Variants in SORCS2 observed in about 807,000 individuals in gnomAD.
SORCS2 encodes sortilin related VPS10 domain containing receptor 2.
A neutral mutation model predicts 141.6 loss-of-function variants in SORCS2; 100 were observed. The observed-to-expected ratio is 0.71, with a 90% CI of 0.60 to 0.83. SORCS2 has a LOEUF of 0.83. Ranked by LOEUF, SORCS2 falls within the 40% of genes least tolerant of loss-of-function variation. The pLI, the probability that SORCS2 is intolerant of heterozygous loss-of-function variation, is 0.00. For synonymous variants in SORCS2, 789 were observed against 676.9 expected (o/e 1.17, Z -2.57); for missense variants, 1,646 against 1,560.2 (o/e 1.05, Z -0.93).
chr4:7,460,741 C>T (rs570892926), intron 2 of SORCS2, among the ~76,000 whole-genome samples: 9 of 152,066 alleles, frequency 5.9e-5, no homozygotes, highest in South Asian at 2.1e-4. Context: ...TAACTCAACA[C>T]GCTCCCTAAT....
chr4:7,667,220 T>A lies in SORCS2; in HGVS notation c.1161+7T>A, dbSNP rs778017395. On this transcript the variant is annotated splice_region_variant and intron_variant, in intron 8 of 26. Coordinates refer to ENST00000507866, the MANE Select transcript of SORCS2 (RefSeq NM_020777.3). Reference sequence around the variant, plus strand: ...GAAGTATGCATTGCCAAAGGTAAGGTGCTCCCCATTCCGCCTGGTCCTGTG... The same window carrying A: ...GAAGTATGCATTGCCAAAGGTAAGGAGCTCCCCATTCCGCCTGGTCCTGTG... 1.2e-6 allele frequency: 2 copies of A among 1,613,198 alleles called. No individual in the cohort carries two copies. The highest frequency in any genetic ancestry group is 1.7e-6 in the Non-Finnish European group (2 of 1,179,208).
intron 18 of SORCS2, among the ~76,000 whole-genome samples, chr4:7,719,292 C>A (rs368262801): frequency 6.6e-6 from 1 of 152,244 alleles, no homozygotes; most frequent in African/African-American, 2.4e-5. Flanking sequence ...CCCAAGACGA[C>A]GCAGAGCAGT....
chr4:7,729,298 C>G (rs1004221367), intron 22 of SORCS2, among the ~76,000 whole-genome samples: 17 of 152,112 alleles, frequency 1.1e-4, no homozygotes, highest in Admixed American at 6.5e-5. Context: ...GGTGCTCACT[C>G]TAGTCATGGT....
intron 2 of SORCS2, among the ~76,000 whole-genome samples, chr4:7,458,236 C>T (rs558896221): frequency 2.0e-5 from 3 of 152,160 alleles, no homozygotes; most frequent in Non-Finnish European, 2.9e-5. Context: ...GGAAGTTTGA[C>T]GCCAGAGGCT....
chr4:7,485,423 C>G (rs904291093), intron 2 of SORCS2, among the ~76,000 whole-genome samples: 1 of 152,258 alleles, frequency 6.6e-6, no homozygotes, highest in Non-Finnish European at 1.5e-5. Flanking sequence ...TGAGGCTACT[C>G]CACCCACACC....
intron 9 of SORCS2, among the ~76,000 whole-genome samples, chr4:7,681,743 A>T (rs974075582): frequency 3.3e-5 from 5 of 152,236 alleles, no homozygotes; most frequent in African/African-American, 1.2e-4. Flanking sequence ...ATTCAGTGAG[A>T]GGACACATTT....
At chr4:7,440,186 C>A (rs1456631119) in intron 2 of SORCS2, among the ~76,000 whole-genome samples, 1 of 152,158 alleles carries the variant, frequency 6.6e-6, no homozygotes, top group Admixed American at 6.5e-5. Context: ...ACGAGCCTGG[C>A]CACAATGGAA....
chr4:7,347,410 A>G (rs1346856672), intron 1 of SORCS2, among the ~76,000 whole-genome samples: 1 of 152,198 alleles, frequency 6.6e-6, no homozygotes, highest in African/African-American at 2.4e-5. Flanking sequence ...TAAGAATAAA[A>G]AGCACCTATT....
intron 15 of SORCS2, 119 bp from the exon 16 acceptor site, chr4:7,714,121 C>A: frequency 7.2e-7 from 1 of 1,385,758 alleles, no homozygotes; most frequent in Non-Finnish European, 9.6e-7. Context: ...GCCTCAGTTT[C>A]CCCATCTGTA....
intron 2 of SORCS2, among the ~76,000 whole-genome samples, chr4:7,408,922 G>C (rs1725137790): frequency 6.6e-6 from 1 of 152,004 alleles, no homozygotes; most frequent in African/African-American, 2.4e-5. Flanking sequence ...TTCCACAGGT[G>C]TTTTTCTCAG....
chr4:7,565,565 C>T lies in SORCS2; in HGVS notation c.648+33936C>T, dbSNP rs192851839. On this transcript the variant is annotated intron_variant, in intron 3 of 26. Coordinates refer to ENST00000507866, the MANE Select transcript of SORCS2 (RefSeq NM_020777.3). The stretch of plus-strand genomic sequence containing the variant: ...GACGTGATGATGATGATACCAATCA[C>T]GATGATGATGGTGATGAAGTGATGA... 3.6e-3 allele frequency among the ~76,000 whole-genome samples: 550 copies of T among 151,868 alleles called. 1 individual carries two copies. Among genetic ancestry groups the T allele is most frequent in the Admixed American group, 5.9e-3 (90 of 15,232 alleles).
chr4:7,662,723 C>G (rs1418776085), intron 6 of SORCS2, among the ~76,000 whole-genome samples: 1 of 152,240 alleles, frequency 6.6e-6, no homozygotes, highest in South Asian at 2.1e-4. Context: ...CACCCACTGT[C>G]CACAGCTCTT....
chr4:7,646,684 G>C (rs140878300), intron 4 of SORCS2, among the ~76,000 whole-genome samples: 2,560 of 152,272 alleles, frequency 0.017, 74 homozygotes, highest in African/African-American at 0.058. Context: ...ACATAAAGAC[G>C]AGGGAGAAGG....
intron 1 of SORCS2, among the ~76,000 whole-genome samples, chr4:7,352,664 G>A (rs1424345454): frequency 6.6e-6 from 1 of 152,222 alleles, no homozygotes; most frequent in Non-Finnish European, 1.5e-5. Flanking sequence ...CTCACTTAGT[G>A]AGCTCACTTG....
intron 2 of SORCS2, among the ~76,000 whole-genome samples, chr4:7,525,917 GTCCCCTCCTCACACC>G (rs1262696217): frequency 1.2e-5 from 1 of 81,562 alleles, no homozygotes; most frequent in Admixed American, 1.5e-4. Flanking sequence ...GCAGTCACCT[GTCCCCTCCTCACACC>G]TGTCCCCTCC....
chr4:7,332,948 G>A (rs140329064), intron 1 of SORCS2, among the ~76,000 whole-genome samples: 74 of 148,462 alleles, frequency 5.0e-4, no homozygotes, highest in African/African-American at 1.7e-3. Flanking sequence ...AAAACAGGGA[G>A]AGCCATATTT....
At chr4:7,703,529 A>G (rs898283754) in intron 13 of SORCS2, among the ~76,000 whole-genome samples, 158 bp downstream of exon 13, 1 of 151,992 alleles carries the variant, frequency 6.6e-6, no homozygotes, top group African/African-American at 2.4e-5. Flanking sequence ...GCTGGGACAC[A>G]CCTCACAAAC....
At chr4:7,195,015 T>A (rs1278281667) in intron 1 of SORCS2, among the ~76,000 whole-genome samples, 2 of 150,322 alleles carry the variant, frequency 1.3e-5, no homozygotes, top group African/African-American at 4.9e-5. Context: ...GGCAGCTTCC[T>A]GGGAGAGAGT....
rs770378532 is a variant in SORCS2, at chr4:7,689,519, G to A, written c.1522G>A (p.Ala508Thr). The change falls in exon 11 of 27, where the codon GCA becomes ACA. Residue 508 changes from alanine (A) to threonine (T), a missense_variant. Physicochemically the swap from Ala to Thr is moderately conservative, Grantham distance 58 (BLOSUM62 0). Transcript: ENST00000507866. ...CCACCTGCACCTGCACCTGCGCTGGGCAGACAACCCCTACGTATCAGGCAC... is the reference window on the plus strand; with the variant it reads ...CCACCTGCACCTGCACCTGCGCTGGACAGACAACCCCTACGTATCAGGCAC... Reference protein sequence around the residue: ...DCHLHLHLRWADNPYVSGTVH... With the variant: ...DCHLHLHLRWTDNPYVSGTVH... 1.1e-5 allele frequency: 17 copies of A among 1,606,016 alleles called. No individual in the cohort carries two copies. The highest frequency in any genetic ancestry group is 1.3e-5 in the Non-Finnish European group (15 of 1,176,950).
Sources: allele counts gnomAD v4.1 joint callset (sites outside exome capture counted in the v4.1 genomes callset), GRCh38; gene constraint gnomAD v4.1.1; transcripts MANE v1.5; gene names NCBI Gene and HGNC (gene_info 2026-07-23, HGNC 2026-07-21).